NCAM1: variants seen among roughly 807,000 people sequenced by gnomAD.
The protein encoded by NCAM1 is neural cell adhesion molecule 1.
In NCAM1, 14 loss-of-function variants were observed where a neutral mutation model predicts 109.8. That is an observed-to-expected ratio of 0.13 (90% CI 0.08 to 0.20). The LOEUF (loss-of-function observed/expected upper bound fraction) is 0.20. Among genes scored for constraint, NCAM1 ranks in the 10% least tolerant of loss-of-function variants. NCAM1 has a pLI of 1.00. For synonymous variants in NCAM1, 418 were observed against 442.9 expected (o/e 0.94, Z 0.70); for missense variants, 774 against 1,109.9 (o/e 0.70, Z 4.30).
chr11:112,980,865 G>A (rs1275889390), intron 1 of NCAM1, among the ~76,000 whole-genome samples: 1 of 151,696 alleles, frequency 6.6e-6, no homozygotes, highest in Non-Finnish European at 1.5e-5. Flanking sequence ...AATTTTATTT[G>A]GATATTCCTC....
At chr11:113,164,596 G>C (rs1283510277) in intron 1 of NCAM1, among the ~76,000 whole-genome samples, 1 of 152,172 alleles carries the variant, frequency 6.6e-6, no homozygotes, top group Non-Finnish European at 1.5e-5. Flanking sequence ...TACATTTACT[G>C]ATTCATGATA....
In NCAM1 at chr11:113,187,688, A is replaced by T. The variant is rs1943556550; in HGVS notation, c.53-14691A>T. 2.0e-5 allele frequency among the ~76,000 whole-genome samples: 3 copies of T among 151,884 alleles called. No homozygotes were observed. The South Asian group carries it at 6.2e-4, about 32-fold the overall frequency. Reference sequence around the variant, plus strand: ...CCATGAAATGTGAAGCTATGTGTAGACCCCACACTGGAAAAGAGGAGTAGA... The same window carrying T: ...CCATGAAATGTGAAGCTATGTGTAGTCCCCACACTGGAAAAGAGGAGTAGA... On this transcript the variant is annotated intron_variant, in intron 1 of 19. Transcript: ENST00000316851.
Position 112,961,659 on chromosome 11 carries a change from C to T in NCAM1, c.47C>T (p.Thr16Ile), listed in dbSNP as rs1555063074. The part of the protein sequence containing the change: ...DLIWTLFFLG[T>I]AVSLQVDIVP... ...ATCTGGACTTTGTTTTTCCTGGGAA[C>T]TGCAGGTACATTTTTTTTTTTTTTA... Residue 16 changes from threonine to isoleucine, a missense_variant, in exon 1 of 20, where the codon ACT becomes ATT. Coordinates refer to ENST00000316851, the MANE Select transcript of NCAM1 (RefSeq NM_181351.5). 2 of 1,461,810 alleles carry T rather than the reference C, an allele frequency of 1.4e-6. No homozygotes were observed. Among genetic ancestry groups the T allele is most frequent in the East Asian group, 2.3e-5 (1 of 43,426 alleles). The allele number at this position is 1,461,810 out of a possible 1,614,324, so 90.6% of individuals were successfully genotyped here.
At chr11:112,983,635 A>G (rs1555069122) in intron 1 of NCAM1, among the ~76,000 whole-genome samples, 2 of 151,986 alleles carry the variant, frequency 1.3e-5, no homozygotes, top group African/African-American at 4.8e-5. Flanking sequence ...AATGGAGTTT[A>G]TATTGCTTTA....
At chr11:113,105,558 C>T (rs918057749) in intron 1 of NCAM1, among the ~76,000 whole-genome samples, 4 of 152,184 alleles carry the variant, frequency 2.6e-5, no homozygotes, top group African/African-American at 4.8e-5. Flanking sequence ...TATATATATT[C>T]GTACATTGAA....
At chr11:113,219,200 T>G in intron 8 of NCAM1, among the ~76,000 whole-genome samples, 1 of 152,234 alleles carries the variant, frequency 6.6e-6, no homozygotes, top group East Asian at 1.9e-4. Flanking sequence ...AATCTTAGGC[T>G]GACAGAATAT....
intron 1 of NCAM1, among the ~76,000 whole-genome samples, chr11:113,194,324 TC>T (rs573117908): frequency 1.8e-4 from 28 of 152,326 alleles, no homozygotes; most frequent in South Asian, 8.3e-4. Flanking sequence ...GCTGAAGAAT[TC>T]TAAAGCCATA....
At chr11:113,243,106 T>C (rs1945384222) in intron 14 of NCAM1, among the ~76,000 whole-genome samples, 1 of 152,230 alleles carries the variant, frequency 6.6e-6, no homozygotes, top group South Asian at 2.1e-4. Context: ...ATCGACTCTC[T>C]AGTTAAAAAT....
At chr11:113,121,864 A>G (rs1319545926) in intron 1 of NCAM1, among the ~76,000 whole-genome samples, 2 of 152,220 alleles carry the variant, frequency 1.3e-5, no homozygotes, top group African/African-American at 4.8e-5. Flanking sequence ...CTATTTAGAA[A>G]ACATGGCAGT....
rs115310134 is a variant in NCAM1, at chr11:113,095,301, G to A, written c.53-107078G>A. 2.7e-3 allele frequency among the ~76,000 whole-genome samples: 395 copies of A among 145,594 alleles called. 2 individuals carry two copies. Among genetic ancestry groups the A allele is most frequent in the African/African-American group, 0.01 (385 of 38,348 alleles). ...TGTCCTCTGATATAGCACTGACCTT[G>A]CTGTAATAGAATGCGTGTGTGTGTG... On this transcript the variant is annotated intron_variant, in intron 1 of 19. Transcript: ENST00000316851.
At chr11:112,996,712 T>C (rs2134910108) in intron 1 of NCAM1, among the ~76,000 whole-genome samples, 1 of 152,290 alleles carries the variant, frequency 6.6e-6, no homozygotes, top group South Asian at 2.1e-4. Context: ...AGGCATTTTC[T>C]CCTGTAATGA....
intron 1 of NCAM1, among the ~76,000 whole-genome samples, chr11:113,184,284 G>A (rs1200113364): frequency 2.0e-5 from 3 of 152,222 alleles, no homozygotes; most frequent in Admixed American, 1.3e-4. Flanking sequence ...CTCTTGTTGG[G>A]TTCAGCAGGG....
Position 113,278,049 on chromosome 11 carries a change from A to G in NCAM1, c.*2662A>G, listed in dbSNP as rs1946441200. On this transcript the variant is annotated 3_prime_UTR_variant, in exon 20 of 20. Transcript: ENST00000316851. ...GTATGTGCCATACATATGTATTCAC[A>G]TGAAGACCGGCATGGCCAAGTTCTG... 1 of 152,110 alleles carries G rather than the reference A, an allele frequency of 6.6e-6. No homozygotes were observed. The highest frequency in any genetic ancestry group is 1.5e-5 in the Non-Finnish European group (1 of 68,064). The allele number at this position is 152,110 out of a possible 1,614,324, so 9.4% of individuals were successfully genotyped here.
At chr11:113,247,272 C>T (rs1269591438) in intron 15 of NCAM1, among the ~76,000 whole-genome samples, 5 of 152,196 alleles carry the variant, frequency 3.3e-5, no homozygotes, top group Non-Finnish European at 7.3e-5. Flanking sequence ...ATTCAGTTTT[C>T]TCCTAACTGG....
At chr11:113,182,764 C>A (rs563211285) in intron 1 of NCAM1, among the ~76,000 whole-genome samples, 22 of 152,182 alleles carry the variant, frequency 1.4e-4, no homozygotes, top group Non-Finnish European at 2.6e-4. Flanking sequence ...GAGCCCCCGA[C>A]TGGGGAGCGG....
At chr11:112,967,656 T>A (rs1555065845) in intron 1 of NCAM1, among the ~76,000 whole-genome samples, 2 of 152,206 alleles carry the variant, frequency 1.3e-5, no homozygotes, top group Non-Finnish European at 2.9e-5. Context: ...TATATGGATC[T>A]GGAAAAAATA....
rs1300213643 is a variant in NCAM1 at position 113,273,406 on chromosome 11, C to T, written c.2456+1530C>T. On this transcript the variant is annotated intron_variant, in intron 19 of 19. Transcript: ENST00000316851. This position sits in a 1 kb window ranked among gnomAD's most constrained non-coding sequence, Gnocchi z 6.0. ...GCCAGTCCTCTAGCAGCAGCGGCTG[C>T]CCCTGCCACAGAAGCCCCTCAGGCC... 6.1e-6 allele frequency: 2 copies of T among 329,748 alleles called. No individual in the cohort carries two copies. Among genetic ancestry groups the T allele is most frequent in the Non-Finnish European group, 1.2e-5 (2 of 165,376 alleles). 20.4% of individuals were successfully genotyped at this position (329,748 alleles called of 1,614,324 possible).
chr11:113,125,959 C>T (rs1430048422), intron 1 of NCAM1, among the ~76,000 whole-genome samples: 1 of 151,724 alleles, frequency 6.6e-6, no homozygotes, highest in African/African-American at 2.4e-5. Flanking sequence ...AGTTCAAGAC[C>T]AGCCTGGCCA....
intron 9 of NCAM1, among the ~76,000 whole-genome samples, chr11:113,230,109 A>G (rs1439704442): frequency 6.6e-6 from 1 of 152,126 alleles, no homozygotes; most frequent in African/African-American, 2.4e-5. Flanking sequence ...AAGAAAAGAA[A>G]ATAGCCCTGG....
Sources: gnomAD v4.1 joint callset for allele counts (sites outside exome capture counted in the v4.1 genomes callset) on GRCh38, gnomAD v4.1.1 for gene constraint, Gnocchi (gnomAD v3.1) non-coding constraint, MANE v1.5 for transcripts, NCBI Gene and HGNC (gene_info 2026-07-23, HGNC 2026-07-21) for gene names.